Variants in PRR23A observed in about 807,000 individuals in gnomAD.
PRR23A encodes the protein proline rich 23A.
For synonymous variants in PRR23A, 161 were observed against 170.6 expected, an observed-to-expected ratio of 0.94 and a Z score of 0.44; for missense variants, 342 against 372.7, an observed-to-expected ratio of 0.92 and a Z score of 0.68.
chr3:139,005,872 C>T lies in PRR23A; in HGVS notation c.397G>A (p.Glu133Lys), dbSNP rs772917019. ...ACTTCCTGCTCAACGACGACGTCCT[C>T]CCTGAGAGCGCCCAGGAAAACGTCC... ...EVDVFLGALR[E>K]DVVVEQEVFC... Residue 133 changes from glutamate (E) to lysine (K), a missense_variant, in exon 1 of 1, where the codon GAG becomes AAG. Coordinates refer to ENST00000383163, the MANE Select transcript of PRR23A (RefSeq NM_001134659.1). The T allele has an allele frequency of 1.1e-5, 18 of 1,613,750 alleles. 1 individual carries two copies. The South Asian group carries it at 1.4e-4, about 13-fold the overall frequency.
At position 139,006,122 on chromosome 3, in the gene PRR23A, C is replaced by T; in HGVS notation, c.147G>A (p.Ala49=). 2.6e-6 allele frequency: 4 copies of T among 1,546,162 alleles called. No individual in the cohort carries two copies. The South Asian group carries it at 3.6e-5, about 14-fold the overall frequency. The change falls in exon 1 of 1, where the codon GCG becomes GCA. Residue 49 remains alanine, a synonymous_variant. Transcript: ENST00000383163. ...TGAGCGCGCCCACGGCCGGGGTACC[C>T]GCCGGGTCTTCCAGGCTGGGCGCCA... ...PRVAPSLEDP[A]GTPAVGALTS...
chr3:139,006,224 C>T, the PRR23A span: 4 of 1,545,996 alleles, frequency 2.6e-6, no homozygotes, highest in Non-Finnish European at 3.5e-6. Context: ...GCTGTCCCCA[C>T]CAGGGCGCAG....
the PRR23A span, chr3:139,005,485 G>A: frequency 1.2e-4 from 178 of 1,533,392 alleles, no homozygotes; most frequent in East Asian, 4.0e-3. Flanking sequence ...TGGAACAGTC[G>A]TCTGCGGGCC....
Position 139,005,724 on chromosome 3 carries a change from G to A in PRR23A, c.545C>T (p.Ser182Phe), listed in dbSNP as rs560851094. Reference sequence around the variant, plus strand: ...GTAGGGGCTGAACATACTTCTGGCGGAGGAGTAGAGCCCAGCGGCTGAGCC... The same window carrying A: ...GTAGGGGCTGAACATACTTCTGGCGAAGGAGTAGAGCCCAGCGGCTGAGCC... ...AAGSAAGLYSSARSMFSPYRE... is the reference protein window; with the variant it reads ...AAGSAAGLYSFARSMFSPYRE... Residue 182 changes from serine to phenylalanine, a missense_variant, in exon 1 of 1, where the codon TCC (serine) becomes TTC (phenylalanine). Transcript: ENST00000383163. 6.2e-7 allele frequency: 1 copy of A among 1,613,618 alleles called. No homozygotes were observed. The highest frequency in any genetic ancestry group is 1.1e-5 in the South Asian group (1 of 91,038).
At chr3:139,005,947 CAG>C in the PRR23A span, 1 of 1,613,988 alleles carries the variant, frequency 6.2e-7, no homozygotes. Flanking sequence ...CGTTCGTCGA[CAG>C]AGCTCAGGAG....
At position 139,004,994 on chromosome 3, in the gene PRR23A, AAAG is replaced by A. The variant is rs1936754983; in HGVS notation, c.*471_*473del. 6.6e-6 allele frequency among the ~76,000 whole-genome samples: 1 copy of A among 152,160 alleles called. No homozygotes were observed. Reference sequence around the variant, plus strand: ...CGTATAGGTAAATTCCTAACTGCAAAAAGAAGGAAAGACAATGATCTGGATTGG... The same window carrying A: ...CGTATAGGTAAATTCCTAACTGCAAAAAGGAAAGACAATGATCTGGATTGG... On this transcript the variant is annotated 3_prime_UTR_variant, in exon 1 of 1. Transcript: ENST00000383163.
rs1465626558 is a variant in PRR23A, at chr3:139,005,830, G to C, written c.439C>G (p.Pro147Ala). ...VEQEVFCASV[P>A]EIAAQEEAYE... ...GCCTCTTCCTGGGCGGCGATCTCTG[G>C]GACAGATGCGCAGAAGACTTCCTGC... Residue 147 changes from proline (P) to alanine (A), a missense_variant, in exon 1 of 1, where the codon CCA (proline) becomes GCA (alanine). By Grantham distance (27) the Pro-to-Ala change is conservative. Transcript: ENST00000383163. The C allele has an allele frequency of 6.2e-7, 1 of 1,613,980 alleles. No homozygotes were observed. The highest frequency in any genetic ancestry group is 1.1e-5 in the South Asian group (1 of 91,046).
Position 139,004,483 on chromosome 3 carries a change from CTT to C in PRR23A, c.*983_*984del, listed in dbSNP as rs777762354. On this transcript the variant is annotated 3_prime_UTR_variant, in exon 1 of 1. Transcript: ENST00000383163. ...AATTTTTAAATTGTTTTTTCGTTTT[CTT>C]TTTTTTTTTTTTGAGATGGAGTCTC... Among the ~76,000 whole-genome samples, 17 of 143,622 alleles carry C rather than the reference CTT, an allele frequency of 1.2e-4. No homozygotes were observed. Among genetic ancestry groups the C allele is most frequent in the Admixed American group, 1.4e-4 (2 of 14,268 alleles). 94.2% of individuals were successfully genotyped at this position (143,622 alleles called of 152,430 possible).
chr3:139,006,265 C>T lies in PRR23A; in HGVS notation c.4G>A (p.Gly2Ser). 6.6e-7 allele frequency: 1 copy of T among 1,512,516 alleles called. No homozygotes were observed. Among genetic ancestry groups the T allele is most frequent in the South Asian group, 1.3e-5 (1 of 79,612 alleles). 93.7% of individuals were successfully genotyped at this position (1,512,516 alleles called of 1,614,324 possible). A position where few individuals can be genotyped will look rare whatever the true frequency, so the allele number is the denominator to read the frequency against. Residue 2 changes from glycine to serine, a missense_variant, in exon 1 of 1, where the codon GGC becomes AGC. By Grantham distance (56) the Gly-to-Ser change is moderately conservative. Coordinates refer to ENST00000383163, the MANE Select transcript of PRR23A (RefSeq NM_001134659.1). ...GCGCTGGGGCTGCGGGGCCGGCTGC[C>T]CATAGCCTCGACGGCGCTCTTGGGC... is the stretch of plus-strand genomic sequence containing the variant. MGSRPRSPSAFP... is the reference protein window; with the variant it reads MSSRPRSPSAFP...
rs1387374030 is a variant in PRR23A, at chr3:139,004,808, CA to C, written c.*659del. ...AAATTCTTATTTGCAGAAACACTTC[CA>C]AAAGGTCCAGTGCATTCATTACATT... On this transcript the variant is annotated 3_prime_UTR_variant, in exon 1 of 1. Coordinates refer to ENST00000383163, the MANE Select transcript of PRR23A (RefSeq NM_001134659.1). Among the ~76,000 whole-genome samples the C allele has an allele frequency of 6.6e-6, 1 of 152,154 alleles. No homozygotes were observed. The highest frequency in any genetic ancestry group is 1.5e-5 in the Non-Finnish European group (1 of 68,024).
chr3:139,005,606 G>A lies in PRR23A; in HGVS notation c.663C>T (p.Arg221=), dbSNP rs1402263581. ...GTGAGCTGGGGACAGGCTCCAGAAG[G>A]CGGAATTCCGGGTCGAAGAAGGGGC... ...SPGPFFDPEF[R]LLEPVPSSPL... The change falls in exon 1 of 1, where the codon CGC becomes CGT. Residue 221 remains arginine, a synonymous_variant. Transcript: ENST00000383163. 3 of 1,612,914 alleles carry A rather than the reference G, an allele frequency of 1.9e-6. No homozygotes were observed. The highest frequency in any genetic ancestry group is 2.5e-6 in the Non-Finnish European group (3 of 1,179,494).
In PRR23A at chr3:139,004,796, C is replaced by G. The variant is rs1355269563; in HGVS notation, c.*672G>C. On this transcript the variant is annotated 3_prime_UTR_variant, in exon 1 of 1. Coordinates refer to ENST00000383163, the MANE Select transcript of PRR23A (RefSeq NM_001134659.1). ...CGCCCGGCCCTTAAATTCTTATTTG[C>G]AGAAACACTTCCAAAAGGTCCAGTG... 6.6e-6 allele frequency among the ~76,000 whole-genome samples: 1 copy of G among 152,176 alleles called. No individual in the cohort carries two copies. The highest frequency in any genetic ancestry group is 1.5e-5 in the Non-Finnish European group (1 of 68,030).
At position 139,005,615 on chromosome 3, in the gene PRR23A, C is replaced by T. The variant is rs1217185242; in HGVS notation, c.654G>A (p.Pro218=). 3.1e-6 allele frequency: 5 copies of T among 1,612,600 alleles called. No individual in the cohort carries two copies. Among genetic ancestry groups the T allele is most frequent in the African/African-American group, 1.3e-5 (1 of 74,820 alleles). The part of the protein sequence containing the change: ...EGHSPGPFFD[P]EFRLLEPVPS... ...GGACAGGCTCCAGAAGGCGGAATTC[C>T]GGGTCGAAGAAGGGGCCTGGAGAGT... is the stretch of plus-strand genomic sequence containing the variant. Residue 218 remains proline, a synonymous_variant, in exon 1 of 1, where the codon CCG becomes CCA. Coordinates refer to ENST00000383163, the MANE Select transcript of PRR23A (RefSeq NM_001134659.1).
Position 139,005,913 on chromosome 3 carries a change from G to C in PRR23A, c.356C>G (p.Ser119Cys). The part of the protein sequence containing the change: ...DERSGAQDDS[S>C]AGLEVDVFLG... ...GAAAACGTCCACTTCCAGCCCAGCA[G>C]ACGAGTCGTCCTGCGCTCCTGAGCG... is the stretch of plus-strand genomic sequence containing the variant. Residue 119 changes from serine to cysteine, a missense_variant, in exon 1 of 1, where the codon TCT becomes TGT. Transcript: ENST00000383163. 6.2e-7 allele frequency: 1 copy of C among 1,613,640 alleles called. No homozygotes were observed. Among genetic ancestry groups the C allele is most frequent in the Non-Finnish European group, 8.5e-7 (1 of 1,179,806 alleles).
In PRR23A at chr3:139,004,288, G is replaced by A. The variant is rs562811705; in HGVS notation, c.*1180C>T. On this transcript the variant is annotated 3_prime_UTR_variant, in exon 1 of 1. Transcript: ENST00000383163. ...AATAAATTAGACCAAATGTCCATGC[G>A]GTGAAGGTGAGTGAGTACCCCTGAG... Among the ~76,000 whole-genome samples the A allele has an allele frequency of 1.3e-3, 193 of 152,138 alleles. No homozygotes were observed. Among genetic ancestry groups the A allele is most frequent in the African/African-American group, 4.4e-3 (181 of 41,498 alleles).
chr3:139,005,273 AC>A lies in PRR23A; in HGVS notation c.*194del, dbSNP rs2107764241. Reference sequence around the variant, plus strand: ...TTCTTTTTTCATGTCCTTGCCTGCCACTTACCAAGGAATTCTGCCAAAAAAC... The same window carrying A: ...TTCTTTTTTCATGTCCTTGCCTGCCATTACCAAGGAATTCTGCCAAAAAAC... On this transcript the variant is annotated 3_prime_UTR_variant, in exon 1 of 1. Coordinates refer to ENST00000383163, the MANE Select transcript of PRR23A (RefSeq NM_001134659.1). 6.6e-6 allele frequency among the ~76,000 whole-genome samples: 1 copy of A among 152,260 alleles called. No individual in the cohort carries two copies. The highest frequency in any genetic ancestry group is 2.1e-4 in the South Asian group (1 of 4,826).
rs1936755746 is a variant in PRR23A, at chr3:139,005,049, A to AT, written c.*418dup. ...GAGAACGGATAGGTGTATGGAAGTGATAAAAAAAAAGGGGGGAATTTTAAA... is the reference window on the plus strand; with the variant it reads ...GAGAACGGATAGGTGTATGGAAGTGATTAAAAAAAAAGGGGGGAATTTTAAA... On this transcript the variant is annotated 3_prime_UTR_variant, in exon 1 of 1. Transcript: ENST00000383163. 6.6e-6 allele frequency among the ~76,000 whole-genome samples: 1 copy of AT among 151,936 alleles called. No individual in the cohort carries two copies. The highest frequency in any genetic ancestry group is 2.4e-5 in the African/African-American group (1 of 41,310).
At position 139,005,562 on chromosome 3, in the gene PRR23A, G is replaced by A. The variant is rs1936763636; in HGVS notation, c.707C>T (p.Pro236Leu). 1.2e-6 allele frequency: 2 copies of A among 1,603,320 alleles called. No homozygotes were observed. The highest frequency in any genetic ancestry group is 2.7e-5 in the African/African-American group (2 of 74,688). The change falls in exon 1 of 1, where the codon CCC (proline) becomes CTC (leucine). Residue 236 changes from proline (P) to leucine (L), a missense_variant. Coordinates refer to ENST00000383163, the MANE Select transcript of PRR23A (RefSeq NM_001134659.1). ...ACCTGGACTCCCCACGCGCGGAGAG[G>A]GAGGTAGAGGTTGGAGAGGTGAGCT... ...VPSSPLQPLP[P>L]SPRVGSPGPH...
chr3:139,004,679 C>T lies in PRR23A; in HGVS notation c.*789G>A, dbSNP rs981586504. ...ATTTTTAGTAGAGACGGAGTTTCGC[C>T]ATGTTGGCCAGGCTAGTCTCGAACT... On this transcript the variant is annotated 3_prime_UTR_variant, in exon 1 of 1. Transcript: ENST00000383163. Among the ~76,000 whole-genome samples, 2 of 152,130 alleles carry T rather than the reference C, an allele frequency of 1.3e-5. No homozygotes were observed. Among genetic ancestry groups the T allele is most frequent in the Non-Finnish European group, 2.9e-5 (2 of 68,018 alleles).
Sources: allele counts gnomAD v4.1 joint callset (sites outside exome capture counted in the v4.1 genomes callset), GRCh38; gene constraint gnomAD v4.1.1; transcripts MANE v1.5; gene names NCBI Gene and HGNC (gene_info 2026-07-23, HGNC 2026-07-21).